The following ABCA1 variants were observed in gnomAD, a reference collection of about 807,000 sequenced individuals.
ABCA1 encodes phospholipid-transporting ATPase ABCA1.
A neutral mutation model predicts 262.5 loss-of-function variants in ABCA1; 133 were observed. The ratio of observed to expected loss-of-function variants is 0.51; its 90% CI spans 0.44 to 0.59. The LOEUF (loss-of-function observed/expected upper bound fraction) is 0.59. Ranked by LOEUF, ABCA1 falls within the 20% of genes least tolerant of loss-of-function variation. The pLI is 0.00. For missense variants in ABCA1, 2,452 were observed against 2,777.5 expected (o/e 0.88, Z 2.63); for synonymous variants, 1,022 against 1,043.5 (o/e 0.98, Z 0.40).
At chr9:104,861,918 G>A in intron 5 of ABCA1, 118 bp from the exon 6 acceptor site, 1 of 911,144 alleles carries the variant, frequency 1.1e-6, no homozygotes, top group Non-Finnish European at 1.7e-6. Context: ...CAGTTGCCTG[G>A]CTAAACACAC....
rs972456579 is a variant in ABCA1 at position 104,784,304 on chromosome 9, A to T, written c.*11T>A. On this transcript the variant is annotated 3_prime_UTR_variant, in exon 50 of 50. Transcript: ENST00000374736. ...TCTTTACTTTCAGCCACCCCGTATGAACAGGATTCTTCATACATAGCTTTC... is the reference window on the plus strand; with the variant it reads ...TCTTTACTTTCAGCCACCCCGTATGTACAGGATTCTTCATACATAGCTTTC... 3 of 1,613,920 alleles carry T rather than the reference A, an allele frequency of 1.9e-6. No homozygotes were observed. The African/African-American group carries it at 4.0e-5, about 22-fold the overall frequency.
chr9:104,847,310 A>G (rs1404198436), intron 7 of ABCA1, among the ~76,000 whole-genome samples: 1 of 152,126 alleles, frequency 6.6e-6, no homozygotes, highest in African/African-American at 2.4e-5. Flanking sequence ...AAATGACTCA[A>G]ATTCCCCATC....
chr9:104,918,485 C>A (rs1002883846), intron 1 of ABCA1, among the ~76,000 whole-genome samples: 4 of 152,290 alleles, frequency 2.6e-5, no homozygotes, highest in Non-Finnish European at 5.9e-5. Context: ...TCTTAAAAGT[C>A]TTTTGACCTC....
At chr9:104,848,695 T>C (rs1835113121) in intron 7 of ABCA1, among the ~76,000 whole-genome samples, 2 of 151,814 alleles carry the variant, frequency 1.3e-5, no homozygotes, top group Admixed American at 1.3e-4. Context: ...CCAGGAATCC[T>C]CAGGAGACTC....
At chr9:104,816,023 C>T (rs957781583) in intron 25 of ABCA1, 120 bp downstream of exon 25, 23 of 1,108,532 alleles carry the variant, frequency 2.1e-5, no homozygotes, top group Admixed American at 1.9e-4. Flanking sequence ...AATCAGATGT[C>T]GATGACCTAA....
intron 7 of ABCA1, among the ~76,000 whole-genome samples, chr9:104,849,919 A>C (rs989069760): frequency 6.6e-6 from 1 of 152,362 alleles, no homozygotes; most frequent in African/African-American, 2.4e-5. Context: ...CATTTAGGCC[A>C]GTACCAAATA....
At chr9:104,920,851 A>G (rs1842105795) in intron 1 of ABCA1, among the ~76,000 whole-genome samples, 1 of 152,166 alleles carries the variant, frequency 6.6e-6, no homozygotes, top group Non-Finnish European at 1.5e-5. Context: ...TCGTATGAAT[A>G]AATTTCACTA....
chr9:104,869,718 TG>T (rs555093708), intron 5 of ABCA1, among the ~76,000 whole-genome samples: 2 of 152,230 alleles, frequency 1.3e-5, no homozygotes, highest in African/African-American at 2.4e-5. Flanking sequence ...AGGACACCCA[TG>T]CTGTTCATCC....
chr9:104,816,057 T>C (rs1831725048), intron 25 of ABCA1, 86 bp downstream of exon 25: 2 of 1,437,550 alleles, frequency 1.4e-6, no homozygotes, highest in East Asian at 2.3e-5. Flanking sequence ...AACTCCATGA[T>C]AATCCTGCTC....
At chr9:104,846,202 C>A (rs1170584399) in intron 7 of ABCA1, among the ~76,000 whole-genome samples, 1 of 152,006 alleles carries the variant, frequency 6.6e-6, no homozygotes, top group Non-Finnish European at 1.5e-5. Flanking sequence ...TAAATTAGGG[C>A]AGAAAGCATA....
At chr9:104,875,200 G>C (rs991527359) in intron 5 of ABCA1, among the ~76,000 whole-genome samples, 1 of 151,972 alleles carries the variant, frequency 6.6e-6, no homozygotes, top group Non-Finnish European at 1.5e-5. Context: ...AAAATTAGCA[G>C]GGTGTTGTGG....
chr9:104,844,914 G>A (rs1834726984), intron 8 of ABCA1, among the ~76,000 whole-genome samples: 1 of 152,184 alleles, frequency 6.6e-6, no homozygotes, highest in Non-Finnish European at 1.5e-5. Context: ...CTGATCCTAG[G>A]ACAGAGATTA....
chr9:104,797,188 T>C (rs1829972582), intron 37 of ABCA1, among the ~76,000 whole-genome samples: 1 of 152,194 alleles, frequency 6.6e-6, no homozygotes, highest in African/African-American at 2.4e-5. Context: ...TTCAGGGACT[T>C]GACCTTTCAT....
At chr9:104,849,853 G>A (rs1344840856) in intron 7 of ABCA1, among the ~76,000 whole-genome samples, 2 of 152,248 alleles carry the variant, frequency 1.3e-5, no homozygotes, top group East Asian at 3.9e-4. Context: ...TAAATCTCAA[G>A]AACATAATTC....
rs1830242833 is a variant in ABCA1, at chr9:104,800,563, G to C, written c.4720C>G (p.Leu1574Val). Residue 1574 changes from leucine (L) to valine (V), a missense_variant, in exon 35 of 50, where the codon CTC (leucine) becomes GTC (valine). Transcript: ENST00000374736. ...GTCATAAATCTTCCCAAGCTGTTGA[G>C]AAATCGATCTGCAGAACTGTCCTGT... ...LAKDSSADRF[L>V]NSLGRFMTGL... The C allele has an allele frequency of 1.2e-6, 2 of 1,614,142 alleles. No individual in the cohort carries two copies. The highest frequency in any genetic ancestry group is 4.5e-5 in the East Asian group (2 of 44,894).
chr9:104,828,797 G>T lies in ABCA1; in HGVS notation c.2115+119C>A, dbSNP rs996239884. On this transcript the variant is annotated intron_variant, in intron 15 of 49. Coordinates refer to ENST00000374736, the MANE Select transcript of ABCA1 (RefSeq NM_005502.4). ...ATAAATGGATGAAATTGCAGGAAAT[G>T]ACAGGTATGACCCCTTCTCTACCAG... is the stretch of plus-strand genomic sequence containing the variant. 4.8e-6 allele frequency: 5 copies of T among 1,048,006 alleles called. No homozygotes were observed. The African/African-American group carries it at 7.9e-5, about 17-fold the overall frequency. The allele number at this position is 1,048,006 out of a possible 1,614,324, so 64.9% of individuals were successfully genotyped here. A position where few individuals can be genotyped will look rare whatever the true frequency, so the allele number is the denominator to read the frequency against.
Position 104,816,202 on chromosome 9 carries a change from C to T in ABCA1, c.3679G>A (p.Asp1227Asn), listed in dbSNP as rs1831740002. 6.2e-7 allele frequency: 1 copy of T among 1,614,010 alleles called. No individual in the cohort carries two copies. The highest frequency in any genetic ancestry group is 8.5e-7 in the Non-Finnish European group (1 of 1,180,036). Residue 1227 changes from aspartate (D) to asparagine (N), a missense_variant, in exon 25 of 50, where the codon GAC becomes AAC. Asp to Asn is a conservative substitution (Grantham distance 23). Around this residue, in one of 4 missense-constraint regions of ABCA1, gnomAD observed 665 missense variants for 727.3 expected, o/e 0.91. Transcript: ENST00000374736. ...GAAATGCCCAGGTCTGAGAGCCGGTCATCAATCTCATGAAAGAGTTCCACA... is the reference window on the plus strand; with the variant it reads ...GAAATGCCCAGGTCTGAGAGCCGGTTATCAATCTCATGAAAGAGTTCCACA... ...AFVELFHEIDDRLSDLGISSY... is the reference protein window; with the variant it reads ...AFVELFHEIDNRLSDLGISSY...
intron 26 of ABCA1, 38 bp downstream of exon 26, chr9:104,814,389 A>G (rs1335654719): frequency 6.2e-7 from 1 of 1,609,576 alleles, no homozygotes; most frequent in African/African-American, 1.3e-5. Flanking sequence ...AGCAGAAGGC[A>G]CTATCTTAAG....
chr9:104,788,526 T>C lies in ABCA1; in HGVS notation c.5969A>G (p.Tyr1990Cys). Residue 1990 changes from tyrosine (Y) to cysteine (C), a missense_variant, in exon 45 of 50, where the codon TAC becomes TGC. Tyr to Cys is a radical substitution (Grantham distance 194). Transcript: ENST00000374736. ...NIHEVHQNMG[Y>C]CPQFDAITEL... ...TGTGATGGCATCAAACTGAGGGCAG[T>C]AGCCCATGTTCTGATGTACTTCATG... 1.2e-6 allele frequency: 2 copies of C among 1,614,186 alleles called. No individual in the cohort carries two copies. Among genetic ancestry groups the C allele is most frequent in the Non-Finnish European group, 1.7e-6 (2 of 1,180,018 alleles).
Sources: allele counts gnomAD v4.1 joint callset (sites outside exome capture counted in the v4.1 genomes callset), GRCh38; gene constraint gnomAD v4.1.1; regional missense constraint gnomAD v4.1.1; transcripts MANE v1.5; gene names NCBI Gene and HGNC (gene_info 2026-07-23, HGNC 2026-07-21).